The following RALGPS1 variants were observed in gnomAD, a reference collection of about 807,000 sequenced individuals.
The protein encoded by RALGPS1 is Ral GEF with PH domain and SH3 binding motif 1, also known as ras-specific guanine nucleotide-releasing factor RalGPS1.
Under a neutral mutation model 78.8 loss-of-function variants are expected in RALGPS1, and 19 were observed. That is an observed-to-expected ratio of 0.24 (90% CI 0.17 to 0.35). The LOEUF (loss-of-function observed/expected upper bound fraction) is 0.35, where lower values mean the gene tolerates loss of function less well. Ranked by LOEUF, RALGPS1 falls within the 10% of genes least tolerant of loss-of-function variation. The pLI, the probability that RALGPS1 is intolerant of heterozygous loss-of-function variation, is 1.00. For synonymous variants in RALGPS1, 228 were observed against 256.3 expected (o/e 0.89, Z 1.06); for missense variants, 454 against 688.3 (o/e 0.66, Z 3.81).
At chr9:126,953,285 A>T (rs1367076396) in intron 1 of RALGPS1, among the ~76,000 whole-genome samples, 1 of 152,186 alleles carries the variant, frequency 6.6e-6, no homozygotes, top group African/African-American at 2.4e-5. Context: ...AAGAAGTTAC[A>T]TCATGAGAAT....
intron 4 of RALGPS1, among the ~76,000 whole-genome samples, chr9:127,013,714 G>A (rs988115052): frequency 6.6e-6 from 1 of 152,010 alleles, no homozygotes; most frequent in Non-Finnish European, 1.5e-5. Flanking sequence ...AGTGCCTTTG[G>A]GTGATTCCAC....
At chr9:126,924,518 A>G (rs1355018534) in intron 1 of RALGPS1, among the ~76,000 whole-genome samples, 1 of 152,236 alleles carries the variant, frequency 6.6e-6, no homozygotes, top group Non-Finnish European at 1.5e-5. Context: ...TCAGAATGCC[A>G]AATGTGTCCA....
At chr9:126,992,482 T>G (rs1217152031) in intron 4 of RALGPS1, among the ~76,000 whole-genome samples, 1 of 152,194 alleles carries the variant, frequency 6.6e-6, no homozygotes, top group Non-Finnish European at 1.5e-5. Context: ...GTTTCAAAAT[T>G]GTTCTGACTA....
At chr9:126,929,483 C>G (rs2035600691) in intron 1 of RALGPS1, among the ~76,000 whole-genome samples, 1 of 152,122 alleles carries the variant, frequency 6.6e-6, no homozygotes, top group Non-Finnish European at 1.5e-5. Flanking sequence ...CGGAGTTTTG[C>G]TCTTGTTGAC....
chr9:126,930,236 C>T (rs1017015175), intron 1 of RALGPS1, among the ~76,000 whole-genome samples: 3 of 150,920 alleles, frequency 2.0e-5, no homozygotes, highest in Non-Finnish European at 2.9e-5. Flanking sequence ...ACAGAGGAGC[C>T]TCATATTAAA....
chr9:127,022,176 T>A (rs1284551622), intron 4 of RALGPS1, among the ~76,000 whole-genome samples: 1 of 152,122 alleles, frequency 6.6e-6, no homozygotes, highest in Admixed American at 6.5e-5. Flanking sequence ...CCTTTCCCCC[T>A]CTTGTGGTTT....
chr9:127,132,984 C>T (rs1401405181), intron 8 of RALGPS1, among the ~76,000 whole-genome samples: 2 of 152,212 alleles, frequency 1.3e-5, no homozygotes, highest in African/African-American at 4.8e-5. Context: ...TGCCCTTATT[C>T]ATGTCACTTC....
At chr9:127,149,967 A>G (rs1008502087) in intron 8 of RALGPS1, among the ~76,000 whole-genome samples, 3 of 152,256 alleles carry the variant, frequency 2.0e-5, no homozygotes, top group African/African-American at 7.2e-5. Context: ...ATGCGGTCAA[A>G]TAAGGCCAGG....
intron 11 of RALGPS1, among the ~76,000 whole-genome samples, chr9:127,189,368 C>T (rs1268734937): frequency 3.9e-5 from 6 of 152,210 alleles, no homozygotes; most frequent in Admixed American, 2.6e-4. Context: ...CCTCCCCTGT[C>T]TCCATCAGTG....
At chr9:127,035,572 T>C (rs2046793844) in intron 5 of RALGPS1, among the ~76,000 whole-genome samples, 1 of 152,160 alleles carries the variant, frequency 6.6e-6, no homozygotes, top group African/African-American at 2.4e-5. Flanking sequence ...TGGATTCCCT[T>C]TGGGCCCTCT....
intron 14 of RALGPS1, among the ~76,000 whole-genome samples, chr9:127,210,301 C>T (rs1169264693): frequency 6.6e-6 from 1 of 152,232 alleles, no homozygotes; most frequent in African/African-American, 2.4e-5. Flanking sequence ...AGGTTGCCCA[C>T]AATTCTGTGT....
At chr9:126,920,083 C>T (rs2034598603) in intron 1 of RALGPS1, among the ~76,000 whole-genome samples, 1 of 152,120 alleles carries the variant, frequency 6.6e-6, no homozygotes, top group African/African-American at 2.4e-5. Flanking sequence ...GACTTTTTGC[C>T]TGTGTCTCTA....
chr9:127,187,949 A>T (rs374778904), intron 11 of RALGPS1, among the ~76,000 whole-genome samples: 1 of 151,596 alleles, frequency 6.6e-6, no homozygotes, highest in Admixed American at 6.6e-5. Flanking sequence ...CAATGCCCAG[A>T]CCCACCTGTG....
chr9:127,158,776 G>C (rs2058846152), intron 8 of RALGPS1, among the ~76,000 whole-genome samples: 1 of 147,116 alleles, frequency 6.8e-6, no homozygotes, highest in African/African-American at 2.5e-5. Flanking sequence ...TTCTCTCGGT[G>C]GTTACATGGC....
rs549210910 is a variant in RALGPS1, at chr9:127,142,774, T to C, written c.611-23295T>C. On this transcript the variant is annotated intron_variant, in intron 8 of 18. Coordinates refer to ENST00000259351, the MANE Select transcript of RALGPS1 (RefSeq NM_014636.3). ...TTTGAGCTTGTTGACTCTTTATTTA[T>C]ATTTACATTATACACAAATGTATAC... Among the ~76,000 whole-genome samples, 6 of 152,318 alleles carry C rather than the reference T, an allele frequency of 3.9e-5. No individual in the cohort carries two copies. In the South Asian group the frequency reaches 1.0e-3, roughly 26 times the overall value.
chr9:127,019,667 T>A (rs2045258693), intron 4 of RALGPS1, among the ~76,000 whole-genome samples: 4 of 152,180 alleles, frequency 2.6e-5, no homozygotes, highest in African/African-American at 9.7e-5. Flanking sequence ...AATATTCCAT[T>A]GTATAAATGT....
chr9:126,996,399 A>G (rs1321679756), intron 4 of RALGPS1, among the ~76,000 whole-genome samples: 2 of 152,220 alleles, frequency 1.3e-5, no homozygotes, highest in East Asian at 3.8e-4. Flanking sequence ...GAATACTACA[A>G]ACACCTCTAC....
At chr9:127,033,486 T>C (rs550184609) in intron 4 of RALGPS1, among the ~76,000 whole-genome samples, 1 of 152,304 alleles carries the variant, frequency 6.6e-6, no homozygotes, top group South Asian at 2.1e-4. Flanking sequence ...TGCCTCTCAC[T>C]AAAGATCTTA....
intron 8 of RALGPS1, among the ~76,000 whole-genome samples, chr9:127,081,662 T>C (rs2051184827): frequency 6.6e-6 from 1 of 152,258 alleles, no homozygotes; most frequent in Admixed American, 6.5e-5. Flanking sequence ...CCCAGCTCTG[T>C]TGAGGCTCAG....
Sources: gnomAD v4.1 joint callset for allele counts (sites outside exome capture counted in the v4.1 genomes callset) on GRCh38, gnomAD v4.1.1 for gene constraint, MANE v1.5 for transcripts, NCBI Gene and HGNC (gene_info 2026-07-23, HGNC 2026-07-21) for gene names.